The following PLXNA2 variants were observed in gnomAD, a reference collection of about 807,000 sequenced individuals.
The protein encoded by PLXNA2 is plexin-A2.
A neutral mutation model predicts 193.5 loss-of-function variants in PLXNA2; 91 were observed. The observed-to-expected ratio is 0.47, with a 90% confidence interval of 0.40 to 0.56. The LOEUF is 0.56. Among genes scored for constraint, PLXNA2 ranks in the 20% least tolerant of loss-of-function variants. The pLI is 0.00. For missense variants in PLXNA2, 1,995 were observed against 2,503.2 expected, an observed-to-expected ratio of 0.80 and a Z score of 4.33; for synonymous variants, 997 against 1,027.3, an observed-to-expected ratio of 0.97 and a Z score of 0.56.
chr1:208,114,190 T>A (rs1667571978), intron 4 of PLXNA2, among the ~76,000 whole-genome samples: 1 of 152,204 alleles, frequency 6.6e-6, no homozygotes, highest in Admixed American at 6.5e-5. Flanking sequence ...TGCCTCTTGG[T>A]CCCCAGCAAC....
intron 4 of PLXNA2, among the ~76,000 whole-genome samples, chr1:208,136,472 C>T (rs1009405829): frequency 2.0e-5 from 3 of 152,188 alleles, no homozygotes; most frequent in Admixed American, 6.5e-5. Flanking sequence ...AAATGAAAAG[C>T]CCCATAGGTA....
intron 3 of PLXNA2, among the ~76,000 whole-genome samples, chr1:208,176,225 T>G (rs528016855): frequency 1.3e-5 from 2 of 152,310 alleles, no homozygotes; most frequent in Admixed American, 6.5e-5. Context: ...AGGTAAGCCC[T>G]GCAGAGGGGT....
intron 9 of PLXNA2, among the ~76,000 whole-genome samples, chr1:208,087,282 C>T (rs1666561949): frequency 6.6e-6 from 1 of 151,960 alleles, no homozygotes; most frequent in African/African-American, 2.4e-5. Context: ...ATATATAACA[C>T]ATATGTTATC....
chr1:208,193,829 G>C (rs1023202718), intron 3 of PLXNA2, among the ~76,000 whole-genome samples: 4 of 151,632 alleles, frequency 2.6e-5, no homozygotes, highest in African/African-American at 9.7e-5. Context: ...AGAGATTGAG[G>C]CTGTAGTGAG....
chr1:208,201,123 T>C (rs745905431), intron 3 of PLXNA2, among the ~76,000 whole-genome samples: 10 of 152,232 alleles, frequency 6.6e-5, no homozygotes, highest in Non-Finnish European at 1.3e-4. Context: ...AGACATTATA[T>C]ATCCTCCATG....
chr1:208,092,828 G>A lies in PLXNA2; in HGVS notation c.2055C>T (p.Pro685=). Residue 685 remains proline, a synonymous_variant, in exon 9 of 32, where the codon CCC becomes CCT. Transcript: ENST00000367033. ...GGCCCTCCTGGAAGGAGCAGGTGGT[G>A]GGGTCATGAGTGCAGAGGTTGCGGT... ...CKYRNLCTHD[P]TTCSFQEGRI... 9 of 1,613,958 alleles carry A rather than the reference G, an allele frequency of 5.6e-6. No individual in the cohort carries two copies. Among genetic ancestry groups the A allele is most frequent in the South Asian group, 1.1e-5 (1 of 91,046 alleles).
intron 12 of PLXNA2, among the ~76,000 whole-genome samples, chr1:208,062,498 C>A (rs529320811): frequency 1.3e-5 from 2 of 152,178 alleles, no homozygotes; most frequent in Non-Finnish European, 2.9e-5. Context: ...GGACTTGAAC[C>A]CAGACCTCCT....
intron 3 of PLXNA2, among the ~76,000 whole-genome samples, chr1:208,156,245 G>A (rs1420701972): frequency 6.6e-6 from 1 of 152,160 alleles, no homozygotes; most frequent in East Asian, 1.9e-4. Context: ...GGAAGCGAAC[G>A]GCTTTGGGGG....
chr1:208,126,706 C>T (rs945993409), intron 4 of PLXNA2, among the ~76,000 whole-genome samples: 5 of 152,176 alleles, frequency 3.3e-5, no homozygotes, highest in African/African-American at 1.2e-4. Context: ...AGCCTATCCT[C>T]CCCACCATGC....
Position 208,210,456 on chromosome 1 carries a change from G to T in PLXNA2, c.1195C>A (p.Pro399Thr). 6.2e-7 allele frequency: 1 copy of T among 1,611,104 alleles called. No individual in the cohort carries two copies. Among genetic ancestry groups the T allele is most frequent in the East Asian group, 2.2e-5 (1 of 44,764 alleles). The change falls in exon 3 of 32, where the codon CCC (proline) becomes ACC (threonine). Residue 399 changes from proline (P) to threonine (T), a missense_variant. This residue lies in a region of PLXNA2 where 702 missense variants were observed against 812.9 expected (regional missense o/e 0.86). Transcript: ENST00000367033. ...AGTCCACAGAAGTTATCATCGATGG[G>T]GACAGGCTGGAGGGAAGCGGAAGGA... Reference protein sequence around the residue: ...KDVQCTKAPVPIDDNFCGLDI... With the variant: ...KDVQCTKAPVTIDDNFCGLDI...
chr1:208,058,715 C>T (rs1665520889), intron 13 of PLXNA2, among the ~76,000 whole-genome samples: 1 of 152,152 alleles, frequency 6.6e-6, no homozygotes, highest in Non-Finnish European at 1.5e-5. Context: ...GGATTGTTCC[C>T]CTCCCCAGGC....
At chr1:208,100,857 A>G (rs1184744958) in intron 5 of PLXNA2, among the ~76,000 whole-genome samples, 1 of 152,154 alleles carries the variant, frequency 6.6e-6, no homozygotes, top group Non-Finnish European at 1.5e-5. Context: ...CGGGAGCTTC[A>G]GGTTACTGTC....
chr1:208,144,469 C>T (rs116532127), intron 3 of PLXNA2, among the ~76,000 whole-genome samples: 3 of 152,196 alleles, frequency 2.0e-5, no homozygotes, highest in Non-Finnish European at 4.4e-5. Context: ...ATGAGTCCAT[C>T]GTGGGGTGGG....
Position 208,208,844 on chromosome 1 carries a change from T to G in PLXNA2, c.1371+1436A>C, listed in dbSNP as rs987050701. Reference sequence around the variant, plus strand: ...GGATTTCAACTCCCACTAGGCCCGTTAACACAATCCTCCTAGGCCAGGCAC... The same window carrying G: ...GGATTTCAACTCCCACTAGGCCCGTGAACACAATCCTCCTAGGCCAGGCAC... On this transcript the variant is annotated intron_variant, in intron 3 of 31. Coordinates refer to ENST00000367033, the MANE Select transcript of PLXNA2 (RefSeq NM_025179.4). Among the ~76,000 whole-genome samples, 3 of 152,304 alleles carry G rather than the reference T, an allele frequency of 2.0e-5. No homozygotes were observed. In the South Asian group the frequency reaches 6.2e-4, roughly 32 times the overall value.
intron 29 of PLXNA2, chr1:208,029,715 A>T: frequency 1.0e-6 from 1 of 986,166 alleles, no homozygotes; most frequent in Non-Finnish European, 1.2e-6. Flanking sequence ...CCCAAGAGGA[A>T]CCGATCAGTA....
At chr1:208,156,049 C>A (rs1205428425) in intron 3 of PLXNA2, among the ~76,000 whole-genome samples, 1 of 152,130 alleles carries the variant, frequency 6.6e-6, no homozygotes, top group Non-Finnish European at 1.5e-5. Flanking sequence ...TAAATAATGA[C>A]CCTGGGGCAG....
Position 208,212,485 on chromosome 1 carries a change from C to T in PLXNA2, c.1189-2023G>A, listed in dbSNP as rs146345661. ...TTTTGAACCCGGGATAATATTGAGC[C>T]CCACAGAGCAGAAGGAATGAGTTTC... On this transcript the variant is annotated intron_variant, in intron 2 of 31. Transcript: ENST00000367033. Among the ~76,000 whole-genome samples, 1,126 of 152,150 alleles carry T rather than the reference C, an allele frequency of 7.4e-3. 3 individuals are homozygous for T. Among genetic ancestry groups the T allele is most frequent in the Admixed American group, 0.02 (304 of 15,288 alleles).
At chr1:208,192,526 C>T (rs1259592708) in intron 3 of PLXNA2, among the ~76,000 whole-genome samples, 1 of 152,020 alleles carries the variant, frequency 6.6e-6, no homozygotes, top group Non-Finnish European at 1.5e-5. Flanking sequence ...AAGTAAGATA[C>T]TTTGATTGAA....
At chr1:208,045,707 G>A (rs565151093) in intron 18 of PLXNA2, among the ~76,000 whole-genome samples, 171 bp downstream of exon 18, 9 of 152,186 alleles carry the variant, frequency 5.9e-5, no homozygotes, top group South Asian at 4.1e-4. Context: ...AAGCTATATC[G>A]CCTGATGGGT....
Sources: allele counts gnomAD v4.1 joint callset (sites outside exome capture counted in the v4.1 genomes callset), GRCh38; gene constraint gnomAD v4.1.1; regional missense constraint gnomAD v4.1.1; transcripts MANE v1.5; gene names NCBI Gene and HGNC (gene_info 2026-07-23, HGNC 2026-07-21).